The following IL32 variants were observed in gnomAD, a reference collection of about 807,000 sequenced individuals.
IL32 encodes the protein interleukin-32.
Under a neutral mutation model 16.6 loss-of-function variants are expected in IL32, and 30 were observed. The ratio of observed to expected loss-of-function variants is 1.81; its 90% CI spans 1.35 to 2.45. The LOEUF is 2.45. Ranked by LOEUF, IL32 falls within the 30% of genes most tolerant of loss-of-function variation. IL32 has a pLI of 0.00. For synonymous variants in IL32, 70 were observed against 86.1 expected (o/e 0.81, Z 1.03); for missense variants, 234 against 229.8 (o/e 1.02, Z -0.12).
chr16:3,069,338 C>T lies in IL32; in HGVS notation c.550C>T (p.Pro184Ser), dbSNP rs143941291. 117 of 1,595,516 alleles carry T rather than the reference C, an allele frequency of 7.3e-5. 1 individual carries two copies. In the African/African-American group the frequency reaches 1.5e-3, roughly 21 times the overall value. ...EELTPQKCSE[P>S]QSSK Reference sequence around the variant, plus strand: ...GCTGACACCCCAGAAGTGCTCTGAACCCCAATCCTCAAAATGAAGATACTG... The same window carrying T: ...GCTGACACCCCAGAAGTGCTCTGAATCCCAATCCTCAAAATGAAGATACTG... The change falls in exon 7 of 7, where the codon CCC (proline) becomes TCC (serine). Residue 184 changes from proline to serine, a missense_variant. Physicochemically the swap from Pro to Ser is moderately conservative, Grantham distance 74. Transcript: ENST00000525643.
In IL32 at chr16:3,067,968, G is replaced by C. The variant is rs1956596998; in HGVS notation, c.115-16G>C. 1 of 1,614,088 alleles carries C rather than the reference G, an allele frequency of 6.2e-7. No individual in the cohort carries two copies. The highest frequency in any genetic ancestry group is 2.2e-5 in the East Asian group (1 of 44,880). The stretch of plus-strand genomic sequence containing the variant: ...AGGAGGCTTGGGCCTGGAACCGAGT[G>C]CTTTGTTCCTAACAGGTGATGTCGA... On this transcript the variant is annotated splice_polypyrimidine_tract_variant and intron_variant, in intron 4 of 6. Transcript: ENST00000525643.
chr16:3,068,304 T>C (rs550867677), intron 6 of IL32, 65 bp downstream of exon 6: 16 of 1,405,066 alleles, frequency 1.1e-5, no homozygotes, highest in Non-Finnish European at 1.6e-5. Context: ...TTTTCTTTCT[T>C]TCTTTCTTTT....
intron 2 of IL32, among the ~76,000 whole-genome samples, chr16:3,066,597 C>T (rs72772529): frequency 0.094 from 14,333 of 151,902 alleles, 802 homozygotes; most frequent in East Asian, 0.26. Flanking sequence ...GTGCCTCTGG[C>T]CTCTGTGGAT....
intron 6 of IL32, chr16:3,068,700 A>G (rs1275688929): frequency 2.1e-6 from 1 of 477,710 alleles, no homozygotes; most frequent in Non-Finnish European, 3.8e-6. Context: ...CCTAGCTGGG[A>G]CCTGCCCATG....
Position 3,069,470 on chromosome 16 carries a change from T to C in IL32, c.*115T>C, listed in dbSNP as rs941134897. On this transcript the variant is annotated 3_prime_UTR_variant, in exon 7 of 7. Coordinates refer to ENST00000525643, the MANE Select transcript of IL32 (RefSeq NM_001376923.1). ...ACTCAGTCCCCCTGCCTGGCGTTCC[T>C]GCCGCAGCTCTGACCTGGTGCTGTC... The C allele has an allele frequency of 8.6e-6, 11 of 1,284,552 alleles. No homozygotes were observed. In the African/African-American group the frequency reaches 1.4e-4, roughly 16 times the overall value. The allele number at this position is 1,284,552 out of a possible 1,614,324, so 79.6% of individuals were successfully genotyped here.
chr16:3,068,259 C>T lies in IL32; in HGVS notation c.201+20C>T. ...CACCCAGTGAGTATGACACACCCAT[C>T]TGGGCACCTTGCCTTCCTTCACCTC... On this transcript the variant is annotated intron_variant, in intron 6 of 6. Coordinates refer to ENST00000525643, the MANE Select transcript of IL32 (RefSeq NM_001376923.1). 1 of 1,577,200 alleles carries T rather than the reference C, an allele frequency of 6.3e-7. No homozygotes were observed. Among genetic ancestry groups the T allele is most frequent in the South Asian group, 1.2e-5 (1 of 86,644 alleles).
upstream of IL32, chr16:3,065,426 G>C (rs1355777178): frequency 3.4e-6 from 1 of 292,868 alleles, no homozygotes; most frequent in African/African-American, 2.2e-5. Context: ...CCAGCTCAGA[G>C]GGAGCAGGGG....
chr16:3,068,357 G>C (rs1210127931), intron 6 of IL32, 118 bp downstream of exon 6: 4 of 946,588 alleles, frequency 4.2e-6, no homozygotes, highest in East Asian at 5.3e-5. Context: ...CCAGGCTGGA[G>C]TGCAGTGGCA....
intron 6 of IL32, chr16:3,068,743 A>G (rs573715350): frequency 4.3e-4 from 246 of 570,878 alleles, no homozygotes; most frequent in Admixed American, 2.3e-3. Flanking sequence ...ACAGCCCTCA[A>G]GGCACGATGA....
intron 5 of IL32, 29 bp downstream of exon 5, chr16:3,068,039 C>G: frequency 5.6e-6 from 9 of 1,613,720 alleles, no homozygotes; most frequent in Non-Finnish European, 6.8e-6. Context: ...CTCCACCAAG[C>G]TTAGTCCCTG....
At chr16:3,068,337 G>A (rs978292150) in intron 6 of IL32, 98 bp downstream of exon 6, 32 of 1,152,078 alleles carry the variant, frequency 2.8e-5, no homozygotes, top group African/African-American at 7.6e-5. Flanking sequence ...ACAGAGTCTC[G>A]CTCTGTCGCC....
chr16:3,068,435 A>AG, intron 6 of IL32, 196 bp downstream of exon 6: 1 of 591,008 alleles, frequency 1.7e-6, no homozygotes, highest in South Asian at 2.0e-5. Context: ...CCTGACAAGT[A>AG]GTTGGGACTA....
At chr16:3,065,933 A>G (rs1181522965) in intron 2 of IL32, 107 bp downstream of exon 2, 4 of 1,321,164 alleles carry the variant, frequency 3.0e-6, no homozygotes, top group South Asian at 1.2e-5. Context: ...GGGCTCAGTC[A>G]GGGGCACCCA....
At chr16:3,068,094 T>C (rs1956623731) in intron 5 of IL32, 84 bp downstream of exon 5, 2 of 1,604,898 alleles carry the variant, frequency 1.2e-6, no homozygotes, top group East Asian at 4.5e-5. Context: ...CCGGGTCCCC[T>C]TGGGAATCAC....
chr16:3,066,866 CGT>C, intron 2 of IL32, among the ~76,000 whole-genome samples: 1 of 152,040 alleles, frequency 6.6e-6, no homozygotes, highest in South Asian at 2.1e-4. Flanking sequence ...TCCATCCTCC[CGT>C]GTGTGTACAT....
intron 2 of IL32, 68 bp from the exon 3 acceptor site, chr16:3,067,309 G>T (rs1018273489): frequency 7.9e-6 from 6 of 757,594 alleles, no homozygotes; most frequent in Non-Finnish European, 1.3e-5. Context: ...GTGTGTGTGT[G>T]TATAAATTAT....
chr16:3,067,541 C>T lies in IL32; in HGVS notation c.55-13C>T, dbSNP rs1428246824. On this transcript the variant is annotated splice_polypyrimidine_tract_variant and intron_variant, in intron 3 of 6. Coordinates refer to ENST00000525643, the MANE Select transcript of IL32 (RefSeq NM_001376923.1). ...ATCCGGCCCTTTGGTGCCAACTCTG[C>T]CTCTCTTCACAGCACCAGGCCATAG... The T allele has an allele frequency of 6.2e-7, 1 of 1,614,048 alleles. No homozygotes were observed. Among genetic ancestry groups the T allele is most frequent in the East Asian group, 2.2e-5 (1 of 44,876 alleles).
chr16:3,065,660 C>A lies in IL32; in HGVS notation c.-56C>A, dbSNP rs1053541891. ...CAGGAAGACTGCGTGCAGAAGGTGA[C>A]TGTCTCAGTGGAGCTGGGTCATCTC... On this transcript the variant is annotated 5_prime_UTR_variant, in exon 1 of 7. It adds an upstream start codon to the 5' untranslated region. Coordinates refer to ENST00000525643, the MANE Select transcript of IL32 (RefSeq NM_001376923.1). The A allele has an allele frequency of 1.3e-6, 1 of 788,354 alleles. No homozygotes were observed. The highest frequency in any genetic ancestry group is 1.7e-5 in the African/African-American group (1 of 58,720). 48.8% of individuals were successfully genotyped at this position (788,354 alleles called of 1,614,324 possible). A position where few individuals can be genotyped will look rare whatever the true frequency, so the allele number is the denominator to read the frequency against.
intron 4 of IL32, 141 bp from the exon 5 acceptor site, chr16:3,067,842 AG>A: frequency 9.9e-7 from 1 of 1,007,270 alleles, no homozygotes; most frequent in Non-Finnish European, 1.5e-6. Context: ...AGGAAACAAC[AG>A]GGGTGCCAGA....
Sources: allele counts gnomAD v4.1 joint callset (sites outside exome capture counted in the v4.1 genomes callset), GRCh38; gene constraint gnomAD v4.1.1; transcripts MANE v1.5; gene names NCBI Gene and HGNC (gene_info 2026-07-23, HGNC 2026-07-21).